The following KIF6 variants were observed in gnomAD, a reference collection of about 807,000 sequenced individuals.
The protein encoded by KIF6 is kinesin family member 6.
In KIF6, 106 loss-of-function variants were observed where a neutral mutation model predicts 112.7. That is an observed-to-expected ratio of 0.94 (90% CI 0.80 to 1.11). The LOEUF (loss-of-function observed/expected upper bound fraction) is 1.11, where lower values mean the gene tolerates loss of function less well. Among genes scored for constraint, KIF6 ranks in the 50% least tolerant of loss-of-function variants. KIF6 has a pLI of 0.00. For synonymous variants in KIF6, 339 were observed against 339.9 expected (o/e 1.00, Z 0.03); for missense variants, 929 against 964.0 (o/e 0.96, Z 0.48).
At chr6:39,585,041 A>AT in intron 8 of KIF6, 57 bp from the exon 9 acceptor site, 4 of 989,736 alleles carry the variant, frequency 4.0e-6, no homozygotes, top group Non-Finnish European at 6.3e-6. Flanking sequence ...ATTTCTTTCT[A>AT]GATAAAACTT....
Position 39,406,130 on chromosome 6 carries a change from G to A in KIF6, c.1810+13818C>T, listed in dbSNP as rs148150381. On this transcript the variant is annotated intron_variant, in intron 15 of 22. Transcript: ENST00000287152. Reference sequence around the variant, plus strand: ...CTCCGCCTGGGTTCAAGTGATTCTCGTGCCTCAGCTTCCCGAGTAGCTGGG... The same window carrying A: ...CTCCGCCTGGGTTCAAGTGATTCTCATGCCTCAGCTTCCCGAGTAGCTGGG... 1.9e-4 allele frequency among the ~76,000 whole-genome samples: 29 copies of A among 152,064 alleles called. No homozygotes were observed. The East Asian group carries it at 2.7e-3, about 14-fold the overall frequency.
intron 19 of KIF6, among the ~76,000 whole-genome samples, chr6:39,356,157 A>T (rs1764668505): frequency 6.6e-6 from 1 of 151,670 alleles, no homozygotes; most frequent in Non-Finnish European, 1.5e-5. Flanking sequence ...TTCCATTGGG[A>T]TGTGTCTGAT....
At chr6:39,362,353 T>C (rs2150262129) in intron 17 of KIF6, 81 bp downstream of exon 17, 1 of 1,045,008 alleles carries the variant, frequency 9.6e-7, no homozygotes, top group Non-Finnish European at 1.5e-6. Flanking sequence ...CCTGAGTAGC[T>C]GCAGCCCTGG....
rs1446253429 is a variant in KIF6, at chr6:39,693,674, A to G, written c.251+21018T>C. The stretch of plus-strand genomic sequence containing the variant: ...AGTTCCAAAATGGAATCAGTAATAA[A>G]AAAAAAATCTACCAACCAAAAGAGT... On this transcript the variant is annotated intron_variant, in intron 3 of 22. Coordinates refer to ENST00000287152, the MANE Select transcript of KIF6 (RefSeq NM_145027.6). Among the ~76,000 whole-genome samples, 4 of 152,132 alleles carry G rather than the reference A, an allele frequency of 2.6e-5. No individual in the cohort carries two copies. In the East Asian group the frequency reaches 7.7e-4, roughly 29 times the overall value.
At chr6:39,460,105 C>T (rs1773366449) in intron 13 of KIF6, among the ~76,000 whole-genome samples, 1 of 149,374 alleles carries the variant, frequency 6.7e-6, no homozygotes, top group African/African-American at 2.5e-5. Flanking sequence ...TGCACAATAG[C>T]AAAGACTTGG....
intron 7 of KIF6, among the ~76,000 whole-genome samples, chr6:39,588,546 A>C (rs1439755448): frequency 2.0e-5 from 3 of 151,970 alleles, no homozygotes; most frequent in African/African-American, 7.3e-5. Context: ...TTATATCCTG[A>C]TGTCTTCCCA....
At chr6:39,578,390 T>C (rs958778390) in intron 9 of KIF6, among the ~76,000 whole-genome samples, 5 of 147,132 alleles carry the variant, frequency 3.4e-5, no homozygotes, top group Non-Finnish European at 7.4e-5. Context: ...TGGAGTGCAG[T>C]GGCATGATCT....
At chr6:39,548,297 G>A (rs1779173944) in intron 10 of KIF6, among the ~76,000 whole-genome samples, 1 of 152,176 alleles carries the variant, frequency 6.6e-6, no homozygotes, top group Admixed American at 6.5e-5. Flanking sequence ...GATTGCTCAC[G>A]TGCACTGGGC....
chr6:39,452,470 C>T (rs1466590942), intron 13 of KIF6, among the ~76,000 whole-genome samples: 4 of 152,202 alleles, frequency 2.6e-5, no homozygotes, highest in African/African-American at 9.7e-5. Context: ...CAATAATTTG[C>T]TCTCTGGATA....
Position 39,596,152 on chromosome 6 carries a change from C to G in KIF6, c.748G>C (p.Asp250His), listed in dbSNP as rs751660647. 37 of 1,613,908 alleles carry G rather than the reference C, an allele frequency of 2.3e-5. No homozygotes were observed. In the South Asian group the frequency reaches 4.0e-4, roughly 17 times the overall value. The part of the protein sequence containing the change: ...TVRHAKLHLV[D>H]LAGSERVAKT... ...GCAACTCGCTCTGAACCAGCCAGGT[C>G]AACCAGATGGAGTTTGGCATGTCGT... Residue 250 changes from aspartate to histidine, a missense_variant, in exon 7 of 23, where the codon GAC becomes CAC. This residue lies in a region of KIF6 where 688 missense variants were observed against 662.7 expected (regional missense o/e 1.04). Coordinates refer to ENST00000287152, the MANE Select transcript of KIF6 (RefSeq NM_145027.6).
intron 15 of KIF6, among the ~76,000 whole-genome samples, chr6:39,402,379 G>T (rs1350928557): frequency 6.6e-6 from 1 of 152,160 alleles, no homozygotes; most frequent in Non-Finnish European, 1.5e-5. Context: ...GCTGTGCCCG[G>T]CAGAAACTTG....
chr6:39,714,551 A>C, intron 3 of KIF6, 141 bp downstream of exon 3: 1 of 611,802 alleles, frequency 1.6e-6, no homozygotes, highest in South Asian at 2.1e-5. Context: ...TAGGAACAGA[A>C]GGTATTAATG....
intron 14 of KIF6, among the ~76,000 whole-genome samples, chr6:39,425,206 G>A (rs995026585): frequency 2.6e-5 from 4 of 152,192 alleles, no homozygotes; most frequent in East Asian, 3.8e-4. Flanking sequence ...AGAATGGTGG[G>A]CCAATATGTG....
intron 13 of KIF6, among the ~76,000 whole-genome samples, chr6:39,507,203 C>T (rs1024602541): frequency 2.0e-5 from 3 of 151,994 alleles, no homozygotes; most frequent in African/African-American, 7.3e-5. Flanking sequence ...AGCCCTTTAA[C>T]TTGTGAGATC....
At chr6:39,353,403 C>T (rs1048026067) in intron 19 of KIF6, among the ~76,000 whole-genome samples, 1 of 152,180 alleles carries the variant, frequency 6.6e-6, no homozygotes, top group African/African-American at 2.4e-5. Flanking sequence ...GATCTTTTGC[C>T]CACTTTTAAA....
At chr6:39,520,827 T>G (rs1419418624) in intron 13 of KIF6, among the ~76,000 whole-genome samples, 1 of 152,274 alleles carries the variant, frequency 6.6e-6, no homozygotes, top group African/African-American at 2.4e-5. Flanking sequence ...CTCACACACA[T>G]ATACTAATTA....
At chr6:39,661,447 A>G in intron 3 of KIF6, among the ~76,000 whole-genome samples, 1 of 152,034 alleles carries the variant, frequency 6.6e-6, no homozygotes, top group East Asian at 1.9e-4. Flanking sequence ...ACACTTTTAG[A>G]TTTTTTTCTG....
At chr6:39,714,158 G>A (rs1789701538) in intron 3 of KIF6, among the ~76,000 whole-genome samples, 1 of 152,160 alleles carries the variant, frequency 6.6e-6, no homozygotes, top group African/African-American at 2.4e-5. Flanking sequence ...GTACCCTCAT[G>A]TGAGTTTGGT....
At position 39,332,131 on chromosome 6, in the gene KIF6, G is replaced by A. The variant is rs1762763175; in HGVS notation, c.*4401C>T. The A allele has an allele frequency of 6.6e-6, 1 of 152,058 alleles. No individual in the cohort carries two copies. Among genetic ancestry groups the A allele is most frequent in the African/African-American group, 2.4e-5 (1 of 41,414 alleles). 9.4% of individuals were successfully genotyped at this position (152,058 alleles called of 1,614,324 possible). A position where few individuals can be genotyped will look rare whatever the true frequency, so the allele number is the denominator to read the frequency against. ...CCGGCTATTTTTTGTATTTTTAGTA[G>A]AGACGGGGTTTCCCCATGTTGAACA... On this transcript the variant is annotated 3_prime_UTR_variant, in exon 23 of 23. Transcript: ENST00000287152.
Sources: allele counts gnomAD v4.1 joint callset (sites outside exome capture counted in the v4.1 genomes callset), GRCh38; gene constraint gnomAD v4.1.1; regional missense constraint gnomAD v4.1.1; transcripts MANE v1.5; gene names NCBI Gene and HGNC (gene_info 2026-07-23, HGNC 2026-07-21).